Variants in PER3 observed in about 807,000 individuals in gnomAD.
PER3 encodes the protein period circadian protein homolog 3.
PER3 carries 107 observed loss-of-function variants against 127.2 expected under a neutral mutation model. The observed-to-expected ratio is 0.84, with a 90% CI of 0.72 to 0.99. PER3 has a LOEUF of 0.99. Among genes scored for constraint, PER3 ranks in the 50% least tolerant of loss-of-function variants. The probability of loss-of-function intolerance (pLI) is 0.00; values close to 1 mark genes in which losing one functional copy is unlikely to be tolerated. For synonymous variants in PER3, 618 were observed against 585.8 expected (o/e 1.05, Z -0.79); for missense variants, 1,560 against 1,525.8 (o/e 1.02, Z -0.37).
At position 7,805,602 on chromosome 1, in the gene PER3, G is replaced by A. The variant is rs1016075987; in HGVS notation, c.1136+1754G>A. ...CTGCCAAGTAATTACCATTGGTATT[G>A]CTCAGAAAGGACTTTGTCCCTTCTC... On this transcript the variant is annotated intron_variant, in intron 10 of 21. Coordinates refer to ENST00000377532, the MANE Select transcript of PER3 (RefSeq NM_001377275.1). Among the ~76,000 whole-genome samples, 2 of 152,150 alleles carry A rather than the reference G, an allele frequency of 1.3e-5. 1 individual carries two copies. Among genetic ancestry groups the A allele is most frequent in the Non-Finnish European group, 2.9e-5 (2 of 68,032 alleles).
At chr1:7,816,649 G>GGT (rs1286105696) in intron 13 of PER3, among the ~76,000 whole-genome samples, 1,602 of 152,246 alleles carry the variant, frequency 0.011, 36 homozygotes, top group African/African-American at 0.036. Flanking sequence ...CTGTGAGAAT[G>GGT]GCTAAGTTTT....
chr1:7,797,653 GAAA>G (rs1198864632), intron 6 of PER3, among the ~76,000 whole-genome samples: 3 of 146,498 alleles, frequency 2.0e-5, no homozygotes, highest in African/African-American at 7.5e-5. Context: ...AAAAAAAAAA[GAAA>G]AAAAAGTGAG....
chr1:7,828,873 T>C (rs758342120), intron 18 of PER3, among the ~76,000 whole-genome samples: 7 of 152,184 alleles, frequency 4.6e-5, no homozygotes, highest in Non-Finnish European at 7.3e-5. Context: ...TTGTTCATTA[T>C]TATATTCCTA....
At position 7,827,529 on chromosome 1, in the gene PER3, C is replaced by A. The variant is rs186731862; in HGVS notation, c.2600C>A (p.Pro867His). ...TTCCTGCCTGACCCCCCTGTCTGTC[C>A]TCTGTTGTCGCCATCGTTTTTGCCA... ...TVFLPDPPVC[P>H]LLSPSFLPCP... The change falls in exon 18 of 22, where the codon CCT (proline) becomes CAT (histidine). Residue 867 changes from proline to histidine, a missense_variant. By Grantham distance (77) the Pro-to-His change is moderately conservative. Around this residue, in one of 3 missense-constraint regions of PER3, gnomAD observed 1,332 missense variants for 1,223.6 expected, o/e 1.09. Coordinates refer to ENST00000377532, the MANE Select transcript of PER3 (RefSeq NM_001377275.1). The A allele has an allele frequency of 1.9e-6, 3 of 1,614,080 alleles. No individual in the cohort carries two copies. Among genetic ancestry groups the A allele is most frequent in the East Asian group, 2.2e-5 (1 of 44,892 alleles).
At chr1:7,798,724 G>A in intron 7 of PER3, 51 bp downstream of exon 7, 1 of 1,492,844 alleles carries the variant, frequency 6.7e-7, no homozygotes, top group Non-Finnish European at 9.3e-7. Context: ...TAGGAACATG[G>A]GAAAGTCTGT....
intron 7 of PER3, among the ~76,000 whole-genome samples, chr1:7,799,122 T>C (rs2097158690): frequency 6.6e-6 from 1 of 152,206 alleles, no homozygotes; most frequent in South Asian, 2.1e-4. Context: ...CATATATCAA[T>C]ACATAGGCAG....
rs1372827680 is a variant in PER3 at position 7,803,068 on chromosome 1, C to A, written c.894C>A (p.Tyr298Ter). 6.2e-7 allele frequency: 1 copy of A among 1,610,754 alleles called. No individual in the cohort carries two copies. Among genetic ancestry groups the A allele is most frequent in the Non-Finnish European group, 8.5e-7 (1 of 1,176,938 alleles). The stretch of plus-strand genomic sequence containing the variant: ...CCAGAGCAGTGCCTTTGCTGGGTTA[C>A]CTACCTCAGGACCTGATTGGAACAT... ...VDEKAVPLLGYLPQDLIGTSI... is the reference protein window; with the variant it reads ...VDEKAVPLLG Residue 298 changes from tyrosine to a stop codon, truncating the protein, a stop_gained, in exon 9 of 22, where the codon TAC (tyrosine) becomes TAA (stop). Transcript: ENST00000377532. LOFTEE classifies it high-confidence loss of function.
At position 7,785,457 on chromosome 1, in the gene PER3, AAC is replaced by A. The variant is rs751089248; in HGVS notation, c.147_148del (p.Asn49LysfsTer4). 2 of 1,612,970 alleles carry A rather than the reference AAC, an allele frequency of 1.2e-6. No individual in the cohort carries two copies. The highest frequency in any genetic ancestry group is 1.7e-6 in the Non-Finnish European group (2 of 1,178,952). ...ATCTTCCAGTGAACAGCAAGATCGA[AAC>A]AGAGTTTCTGAAGAACTTATCATGG... is the stretch of plus-strand genomic sequence containing the variant. ...DSSHSEQQDRNRVSEELIMVV... is the reference protein window; with the variant it reads ...DSSHSEQQDRXRVSEELIMVV... On this transcript the variant is annotated frameshift_variant, in exon 3 of 22. Coordinates refer to ENST00000377532, the MANE Select transcript of PER3 (RefSeq NM_001377275.1). LOFTEE classifies it high-confidence loss of function.
chr1:7,820,034 T>C, intron 14 of PER3, 81 bp from the exon 15 acceptor site: 7 of 1,385,236 alleles, frequency 5.1e-6, no homozygotes, highest in Non-Finnish European at 7.0e-6. Context: ...CAAACATAAG[T>C]GGCATGAGAA....
chr1:7,817,741 G>A (rs1303984511), intron 13 of PER3, among the ~76,000 whole-genome samples: 1 of 152,076 alleles, frequency 6.6e-6, no homozygotes, highest in Non-Finnish European at 1.5e-5. Context: ...ACCAAATAAA[G>A]AATAAAACAG....
rs762305514 is a variant in PER3 at position 7,827,714 on chromosome 1, A to G, written c.2785A>G (p.Ser929Gly). 17 of 1,614,178 alleles carry G rather than the reference A, an allele frequency of 1.1e-5. No individual in the cohort carries two copies. Among genetic ancestry groups the G allele is most frequent in the Admixed American group, 1.7e-5 (1 of 60,020 alleles). The change falls in exon 18 of 22, where the codon AGC becomes GGC. Residue 929 changes from serine to glycine, a missense_variant. Coordinates refer to ENST00000377532, the MANE Select transcript of PER3 (RefSeq NM_001377275.1). ...SEGHPFITSR[S>G]SSPLQLNLLQ... is the part of the protein sequence containing the mutation. ...GGGGCACCCGTTCATTACTTCGAGA[A>G]GCAGCTCACCCTTGCAGTTAAACTT...
At chr1:7,832,056 A>G (rs1012034745) in intron 19 of PER3, among the ~76,000 whole-genome samples, 2 of 152,104 alleles carry the variant, frequency 1.3e-5, no homozygotes, top group African/African-American at 4.8e-5. Context: ...AAATTTAAAT[A>G]TTTTAATATA....
rs33950591 is a variant in PER3 at position 7,825,891 on chromosome 1, C to CA, written c.1958-575dup. Among the ~76,000 whole-genome samples, 547 of 141,088 alleles carry CA rather than the reference C, an allele frequency of 3.9e-3. 3 individuals carry two copies. The highest frequency in any genetic ancestry group is 0.026 in the Middle Eastern group (7 of 266). 92.6% of individuals were successfully genotyped at this position (141,088 alleles called of 152,430 possible). On this transcript the variant is annotated intron_variant, in intron 16 of 21. Transcript: ENST00000377532. ...GGGCAACAAGAGCGAAACTCCATCT[C>CA]AAAAAAAAAAAAAATGAACAAATAC...
At chr1:7,827,911 A>C in intron 18 of PER3, 96 bp downstream of exon 18, 2 of 908,034 alleles carry the variant, frequency 2.2e-6, no homozygotes, top group South Asian at 3.3e-5. Flanking sequence ...CATTCTCAGT[A>C]GGTAATCCGC....
intron 13 of PER3, among the ~76,000 whole-genome samples, chr1:7,814,287 CAA>C (rs903843462): frequency 1.1e-4 from 16 of 152,146 alleles, no homozygotes; most frequent in African/African-American, 3.9e-4. Context: ...AAAAACAAAA[CAA>C]AACACTTGGG....
At position 7,820,156 on chromosome 1, in the gene PER3, G is replaced by A. The variant is rs956601132; in HGVS notation, c.1700G>A (p.Cys567Tyr). The change falls in exon 15 of 22, where the codon TGT (cysteine) becomes TAT (tyrosine). Residue 567 changes from cysteine (C) to tyrosine (Y), a missense_variant. Cys to Tyr is a radical substitution (Grantham distance 194, BLOSUM62 -2). Transcript: ENST00000377532. ...AACATTCCAGCTTTGAAAAGAAAGT[G>A]TATCTCCTGTACAAATACAACTTCT... ...SYNIPALKRKCISCTNTTSSS... is the reference protein window; with the variant it reads ...SYNIPALKRKYISCTNTTSSS... 3.7e-6 allele frequency: 6 copies of A among 1,613,218 alleles called. No individual in the cohort carries two copies. The African/African-American group carries it at 6.7e-5, about 18-fold the overall frequency.
rs749157546 is a variant in PER3 at position 7,824,214 on chromosome 1, AAGTC to A, written c.1958-2263_1958-2260del. On this transcript the variant is annotated intron_variant, in intron 16 of 21. Transcript: ENST00000377532. ...AATGATCTAAAGTTACAGTTTTAAAAAGTCAGCAAAAGAAGTGAAATAAGTCCAA... is the reference window on the plus strand; with the variant it reads ...AATGATCTAAAGTTACAGTTTTAAAAAGCAAAAGAAGTGAAATAAGTCCAA... 1.1e-3 allele frequency among the ~76,000 whole-genome samples: 169 copies of A among 152,366 alleles called. 1 individual carries two copies. The highest frequency in any genetic ancestry group is 1.5e-3 in the Non-Finnish European group (102 of 68,034).
At chr1:7,840,144 G>C (rs1021072833) in intron 21 of PER3, among the ~76,000 whole-genome samples, 3 of 151,930 alleles carry the variant, frequency 2.0e-5, no homozygotes, top group Non-Finnish European at 4.4e-5. Context: ...TCTTCTGCCT[G>C]CTTAGATCGG....
At chr1:7,789,910 C>T (rs1332436315) in intron 5 of PER3, among the ~76,000 whole-genome samples, 3 of 152,170 alleles carry the variant, frequency 2.0e-5, no homozygotes, top group Admixed American at 6.5e-5. Flanking sequence ...ATTTCTCATC[C>T]CCTTTCCTAA....
Sources: gnomAD v4.1 joint callset for allele counts (sites outside exome capture counted in the v4.1 genomes callset) on GRCh38, gnomAD v4.1.1 for gene constraint, gnomAD v4.1.1 regional missense constraint, MANE v1.5 for transcripts, NCBI Gene and HGNC (gene_info 2026-07-23, HGNC 2026-07-21) for gene names.